The following GNA14 variants were observed in gnomAD, a reference collection of about 807,000 sequenced individuals.
The protein encoded by GNA14 is guanine nucleotide-binding protein subunit alpha-14.
A neutral mutation model predicts 42.0 loss-of-function variants in GNA14; 50 were observed. That is an observed-to-expected ratio of 1.19 (90% CI 0.95 to 1.51). The LOEUF is 1.51. Ranked by LOEUF, GNA14 falls within the 40% of genes most tolerant of loss-of-function variation. The pLI is 0.00. For synonymous variants in GNA14, 173 were observed against 163.1 expected, an observed-to-expected ratio of 1.06 and a Z score of -0.46; for missense variants, 473 against 446.2, an observed-to-expected ratio of 1.06 and a Z score of -0.54.
At chr9:77,647,242 A>G (rs1444817136) in intron 1 of GNA14, among the ~76,000 whole-genome samples, 2 of 152,198 alleles carry the variant, frequency 1.3e-5, no homozygotes, top group African/African-American at 2.4e-5. Flanking sequence ...GATCTGGCAC[A>G]TGGTAAATTC....
intron 3 of GNA14, among the ~76,000 whole-genome samples, chr9:77,433,253 G>A (rs375445321): frequency 3.9e-5 from 6 of 152,204 alleles, no homozygotes; most frequent in African/African-American, 9.7e-5. Context: ...AAGATGATAC[G>A]GGACAGGTGT....
intron 1 of GNA14, among the ~76,000 whole-genome samples, chr9:77,554,039 G>A (rs1239877431): frequency 6.6e-6 from 1 of 152,014 alleles, no homozygotes; most frequent in Non-Finnish European, 1.5e-5. Flanking sequence ...AGGCCAGGAG[G>A]GAGTACAGTA....
At chr9:77,599,202 CAG>C (rs1462264297) in intron 1 of GNA14, among the ~76,000 whole-genome samples, 1 of 152,116 alleles carries the variant, frequency 6.6e-6, no homozygotes, top group African/African-American at 2.4e-5. Context: ...AGTAAGGAAA[CAG>C]TACTCTAGAC....
intron 2 of GNA14, among the ~76,000 whole-genome samples, chr9:77,518,440 C>T (rs979296215): frequency 6.6e-6 from 1 of 151,992 alleles, no homozygotes; most frequent in Non-Finnish European, 1.5e-5. Context: ...CATTCTAGAT[C>T]AACACAAAGC....
intron 1 of GNA14, among the ~76,000 whole-genome samples, chr9:77,555,894 C>T (rs1822768519): frequency 6.6e-6 from 1 of 152,100 alleles, no homozygotes; most frequent in Non-Finnish European, 1.5e-5. Context: ...AAATAAATAC[C>T]TGAATATAGG....
In GNA14 at chr9:77,432,073, AT is replaced by A. The variant is rs139180649; in HGVS notation, c.465-625del. Among the ~76,000 whole-genome samples the A allele has an allele frequency of 8.3e-3, 1,235 of 148,048 alleles. 14 individuals carry two copies. Among genetic ancestry groups the A allele is most frequent in the East Asian group, 0.063 (320 of 5,044 alleles). On this transcript the variant is annotated intron_variant, in intron 3 of 6. Transcript: ENST00000341700. ...TATTGAAGCCCTGAGCTTAAAACAT[AT>A]TTTTTTTTTCTGTAGTAAAATAAGA...
intron 1 of GNA14, among the ~76,000 whole-genome samples, chr9:77,570,329 G>C (rs1823041445): frequency 6.6e-6 from 1 of 151,962 alleles, no homozygotes; most frequent in Admixed American, 6.6e-5. Flanking sequence ...TCTCATTTTA[G>C]AACATCTTAT....
intron 1 of GNA14, among the ~76,000 whole-genome samples, chr9:77,594,298 G>A (rs1440618607): frequency 1.3e-5 from 2 of 152,184 alleles, no homozygotes; most frequent in Non-Finnish European, 2.9e-5. Flanking sequence ...TAGTCAAGAT[G>A]GAGACCAGGT....
intron 1 of GNA14, among the ~76,000 whole-genome samples, chr9:77,600,047 C>T (rs1419849411): frequency 1.3e-5 from 2 of 151,994 alleles, no homozygotes; most frequent in African/African-American, 4.8e-5. Flanking sequence ...TTTAAAACAT[C>T]ATTTGTACAC....
At chr9:77,535,033 T>C (rs1359827002) in intron 1 of GNA14, among the ~76,000 whole-genome samples, 1 of 152,132 alleles carries the variant, frequency 6.6e-6, no homozygotes, top group Admixed American at 6.5e-5. Flanking sequence ...GGCTTTTTAA[T>C]GGGGGGATAA....
intron 1 of GNA14, among the ~76,000 whole-genome samples, chr9:77,578,673 G>T (rs1823167270): frequency 6.6e-6 from 1 of 152,186 alleles, no homozygotes; most frequent in African/African-American, 2.4e-5. Context: ...TTGGTTTAGA[G>T]ACTGTCCTTG....
At chr9:77,588,705 CTTCT>C (rs1397500306) in intron 1 of GNA14, among the ~76,000 whole-genome samples, 2 of 152,186 alleles carry the variant, frequency 1.3e-5, no homozygotes, top group African/African-American at 2.4e-5. Context: ...GCTAATCCCC[CTTCT>C]TTGTCAGGTG....
intron 5 of GNA14, among the ~76,000 whole-genome samples, chr9:77,428,463 C>T (rs1835490755): frequency 6.6e-6 from 1 of 152,068 alleles, no homozygotes; most frequent in African/African-American, 2.4e-5. Flanking sequence ...TAGGTTCCGA[C>T]CTTAGCAGCA....
chr9:77,583,304 C>T (rs2487719), intron 1 of GNA14, among the ~76,000 whole-genome samples: 77,990 of 152,046 alleles, frequency 0.51, 23,118 homozygotes, highest in East Asian at 0.84. Context: ...AAATTTACAC[C>T]CGAGGTCATG....
intron 2 of GNA14, among the ~76,000 whole-genome samples, chr9:77,451,409 C>T (rs1423858352): frequency 3.3e-5 from 5 of 152,146 alleles, no homozygotes; most frequent in Non-Finnish European, 7.3e-5. Context: ...TTAGAGTGCT[C>T]TAAAGCAATC....
At chr9:77,487,142 G>A (rs539340840) in intron 2 of GNA14, among the ~76,000 whole-genome samples, 1 of 152,244 alleles carries the variant, frequency 6.6e-6, no homozygotes, top group East Asian at 1.9e-4. Context: ...AGTAGGCAGA[G>A]AGCATATACA....
chr9:77,582,276 C>T (rs1823237496), intron 1 of GNA14, among the ~76,000 whole-genome samples: 1 of 152,190 alleles, frequency 6.6e-6, no homozygotes, highest in African/African-American at 2.4e-5. Context: ...GTTATAAGTT[C>T]ACAACTTCAG....
chr9:77,428,972 T>C lies in GNA14; in HGVS notation c.658A>G (p.Thr220Ala), dbSNP rs968348509. The C allele has an allele frequency of 2.5e-6, 4 of 1,613,658 alleles. No homozygotes were observed. Among genetic ancestry groups the C allele is most frequent in the East Asian group, 2.2e-5 (1 of 44,868 alleles). The part of the protein sequence containing the change: ...RKWIHCFESV[T>A]SIIFLVALSE... ...AGAGCAACCAAGAAAATAATGGAGG[T>C]GACACTCTCAAAGCAGTGAATCCAC... Residue 220 changes from threonine to alanine, a missense_variant, in exon 5 of 7, where the codon ACC becomes GCC. Coordinates refer to ENST00000341700, the MANE Select transcript of GNA14 (RefSeq NM_004297.4).
chr9:77,535,625 T>A (rs1265067982), intron 1 of GNA14, among the ~76,000 whole-genome samples: 1 of 152,162 alleles, frequency 6.6e-6, no homozygotes, highest in East Asian at 1.9e-4. Context: ...TCCAAATGAC[T>A]CCCTACCTAA....
Sources: allele counts gnomAD v4.1 joint callset (sites outside exome capture counted in the v4.1 genomes callset), GRCh38; gene constraint gnomAD v4.1.1; transcripts MANE v1.5; gene names NCBI Gene and HGNC (gene_info 2026-07-23, HGNC 2026-07-21).